SLC47A1: variants seen among roughly 807,000 people sequenced by gnomAD.
SLC47A1 encodes the protein multidrug and toxin extrusion protein 1.
In SLC47A1, 58 loss-of-function variants were observed where a neutral mutation model predicts 65.8. The ratio of observed to expected loss-of-function variants is 0.88; its 90% confidence interval spans 0.71 to 1.10. SLC47A1 has a LOEUF of 1.10. Among genes scored for constraint, SLC47A1 ranks in the 50% least tolerant of loss-of-function variants. SLC47A1 has a pLI of 0.00. For missense variants in SLC47A1, 706 were observed against 719.2 expected, an observed-to-expected ratio of 0.98 and a Z score of 0.21; for synonymous variants, 285 against 295.0, an observed-to-expected ratio of 0.97 and a Z score of 0.35.
rs942977839 is a variant in SLC47A1, at chr17:19,578,955, G to A, written c.*1402G>A. On this transcript the variant is annotated 3_prime_UTR_variant, in exon 17 of 17. Coordinates refer to ENST00000270570, the MANE Select transcript of SLC47A1 (RefSeq NM_018242.3). ...CCTCCAGCCTTCTCTGTGTTGTTCC[G>A]ACATACCGAGGACCAACTGGTCTAC... The A allele has an allele frequency of 6.6e-6, 1 of 152,144 alleles. No individual in the cohort carries two copies. Among genetic ancestry groups the A allele is most frequent in the African/African-American group, 2.4e-5 (1 of 41,432 alleles). The allele number at this position is 152,144 out of a possible 1,614,324, so 9.4% of individuals were successfully genotyped here.
chr17:19,541,007 G>C (rs1028029119), intron 1 of SLC47A1, among the ~76,000 whole-genome samples: 9 of 152,164 alleles, frequency 5.9e-5, no homozygotes, highest in Non-Finnish European at 8.8e-5. Context: ...TTATGGCTCG[G>C]GGGCCTGATG....
intron 1 of SLC47A1, among the ~76,000 whole-genome samples, chr17:19,541,852 C>T (rs1380583835): frequency 6.6e-6 from 1 of 152,304 alleles, no homozygotes; most frequent in African/African-American, 2.4e-5. Flanking sequence ...GCAGGCTGGG[C>T]GCAGTGGCTC....
chr17:19,573,988 T>C (rs1025760068), intron 16 of SLC47A1, among the ~76,000 whole-genome samples: 2 of 150,580 alleles, frequency 1.3e-5, no homozygotes, highest in East Asian at 3.9e-4. Flanking sequence ...AATGGTGCGA[T>C]CTCAGCTCAC....
intron 12 of SLC47A1, chr17:19,564,511 A>G (rs1478669528): frequency 6.6e-6 from 1 of 152,230 alleles, no homozygotes; most frequent in Non-Finnish European, 1.5e-5. Context: ...GGAACGTGCT[A>G]GGAATTGTTA....
chr17:19,538,469 T>C (rs1916054114), intron 1 of SLC47A1, among the ~76,000 whole-genome samples: 1 of 152,266 alleles, frequency 6.6e-6, no homozygotes, highest in Non-Finnish European at 1.5e-5. Flanking sequence ...CAGTTTCTAC[T>C]GAATGTACAT....
At chr17:19,572,919 TGTTA>T in intron 16 of SLC47A1, 58 bp downstream of exon 16, 1 of 1,448,654 alleles carries the variant, frequency 6.9e-7, no homozygotes, top group Non-Finnish European at 9.7e-7. Flanking sequence ...CTGGAGGGGC[TGTTA>T]GTGAGACACA....
At chr17:19,548,176 C>T (rs770113874) in intron 4 of SLC47A1, 43 bp downstream of exon 4, 8 of 1,588,244 alleles carry the variant, frequency 5.0e-6, no homozygotes, top group Non-Finnish European at 6.0e-6. Context: ...GTCCATCCCA[C>T]GGAAAGATTA....
At position 19,533,952 on chromosome 17, in the gene SLC47A1, G is replaced by A. The variant is rs912701678; in HGVS notation, c.13G>A (p.Glu5Lys). Residue 5 changes from glutamate (E) to lysine (K), a missense_variant, in exon 1 of 17, where the codon GAG becomes AAG. Coordinates refer to ENST00000270570, the MANE Select transcript of SLC47A1 (RefSeq NM_018242.3). ...GCGCGCGAGTCACATGGAAGCTCCT[G>A]AGGAGCCCGCGCCAGTGCGCGGAGG... Reference protein sequence around the residue: MEAPEEPAPVRGGPE... With the variant: MEAPKEPAPVRGGPE... 3 of 1,529,478 alleles carry A rather than the reference G, an allele frequency of 2.0e-6. No individual in the cohort carries two copies. The highest frequency in any genetic ancestry group is 2.0e-5 in the Admixed American group (1 of 49,628). The allele number at this position is 1,529,478 out of a possible 1,614,324, so 94.7% of individuals were successfully genotyped here. A position where few individuals can be genotyped will look rare whatever the true frequency, so the allele number is the denominator to read the frequency against.
In SLC47A1 at chr17:19,548,035, T is replaced by G. The variant is rs958241453; in HGVS notation, c.357T>G (p.Ser119Arg). Reference protein sequence around the residue: ...LKHVGVILQRSALVLLLCCFP... With the variant: ...LKHVGVILQRRALVLLLCCFP... ...ACGTGGGCGTGATCCTGCAGCGGAG[T>G]GCGCTCGTCCTGCTCCTCTGCTGCT... The change falls in exon 4 of 17, where the codon AGT becomes AGG. Residue 119 changes from serine (S) to arginine (R), a missense_variant. Physicochemically the swap from Ser to Arg is moderately radical, Grantham distance 110 (BLOSUM62 -1). Coordinates refer to ENST00000270570, the MANE Select transcript of SLC47A1 (RefSeq NM_018242.3). 1.2e-6 allele frequency: 2 copies of G among 1,613,910 alleles called. No homozygotes were observed. Among genetic ancestry groups the G allele is most frequent in the Admixed American group, 1.7e-5 (1 of 60,006 alleles).
Position 19,577,682 on chromosome 17 carries a change from G to A in SLC47A1, c.*129G>A, listed in dbSNP as rs138227262. On this transcript the variant is annotated 3_prime_UTR_variant, in exon 17 of 17. Transcript: ENST00000270570. ...CCCATGGATTTTGAGGGCTGGAAAT[G>A]CAAAGACACATTTTTCTATAAAAAG... 3.1e-3 allele frequency: 4,522 copies of A among 1,474,364 alleles called. 42 individuals are homozygous for A. The highest frequency in any genetic ancestry group is 0.027 in the African/African-American group (1,941 of 70,750). The allele number at this position is 1,474,364 out of a possible 1,614,324, so 91.3% of individuals were successfully genotyped here.
chr17:19,567,180 C>T lies in SLC47A1; in HGVS notation c.1261C>T (p.Leu421Phe), dbSNP rs145813260. 5.0e-6 allele frequency: 8 copies of T among 1,614,198 alleles called. No individual in the cohort carries two copies. The highest frequency in any genetic ancestry group is 5.9e-6 in the Non-Finnish European group (7 of 1,180,030). Residue 421 changes from leucine to phenylalanine, a missense_variant, in exon 14 of 17, where the codon CTC becomes TTC. Leu to Phe is a conservative substitution (Grantham distance 22). Transcript: ENST00000270570. ...VNTIGYYVVG[L>F]PIGIALMFAT... Reference sequence around the variant, plus strand: ...TACCATTGGGTACTATGTGGTTGGCCTCCCCATCGGGATCGCGCTGATGTT... The same window carrying T: ...TACCATTGGGTACTATGTGGTTGGCTTCCCCATCGGGATCGCGCTGATGTT...
At position 19,555,837 on chromosome 17, in the gene SLC47A1, C is replaced by G. The variant is rs375863644; in HGVS notation, c.781C>G (p.Arg261Gly). The change falls in exon 9 of 17, where the codon CGC becomes GGC. Residue 261 changes from arginine (R) to glycine (G), a missense_variant. Physicochemically the swap from Arg to Gly is moderately radical, Grantham distance 125. Transcript: ENST00000270570. Reference protein sequence around the residue: ...ECLQDWASFLRLAIPSMLMLC... With the variant: ...ECLQDWASFLGLAIPSMLMLC... ...CCTGCAGGACTGGGCCTCCTTCCTC[C>G]GCCTGGCCATCCCCAGCATGCTCAT... The G allele has an allele frequency of 5.6e-6, 9 of 1,613,748 alleles. No individual in the cohort carries two copies. The highest frequency in any genetic ancestry group is 5.3e-5 in the African/African-American group (4 of 75,040).
chr17:19,566,146 C>T (rs555845305), intron 12 of SLC47A1, among the ~76,000 whole-genome samples: 1 of 152,272 alleles, frequency 6.6e-6, no homozygotes, highest in South Asian at 2.1e-4. Context: ...ACTGTTGTTA[C>T]TCTCTTACTG....
intron 14 of SLC47A1, among the ~76,000 whole-genome samples, chr17:19,568,541 A>T (rs565742115): frequency 6.6e-6 from 1 of 152,354 alleles, no homozygotes; most frequent in South Asian, 2.1e-4. Context: ...TTAAACTTTA[A>T]ATTGACAAAT....
intron 1 of SLC47A1, chr17:19,534,851 AT>A (rs1382445023): frequency 2.0e-5 from 3 of 152,264 alleles, no homozygotes; most frequent in Non-Finnish European, 4.4e-5. Flanking sequence ...CAAAAACACA[AT>A]CCTATCCACG....
chr17:19,547,918 G>C (rs1916338457), intron 3 of SLC47A1, 67 bp from the exon 4 acceptor site: 22 of 1,480,190 alleles, frequency 1.5e-5, no homozygotes, highest in Admixed American at 4.0e-5. Flanking sequence ...ACAATTGAAG[G>C]CTTTTAGGGG....
intron 1 of SLC47A1, among the ~76,000 whole-genome samples, chr17:19,537,032 C>A (rs1454469710): frequency 6.6e-6 from 1 of 152,242 alleles, no homozygotes; most frequent in Non-Finnish European, 1.5e-5. Flanking sequence ...CGTGCAGATA[C>A]CTGGCCTCAG....
At chr17:19,564,525 G>A (rs2084341059) in intron 12 of SLC47A1, 1 of 152,200 alleles carries the variant, frequency 6.6e-6, no homozygotes, top group African/African-American at 2.4e-5. Flanking sequence ...ATTGTTACCT[G>A]GAGGAGGCAG....
At chr17:19,550,869 T>A (rs1567968249) in intron 5 of SLC47A1, among the ~76,000 whole-genome samples, 2 of 152,188 alleles carry the variant, frequency 1.3e-5, no homozygotes, top group Non-Finnish European at 2.9e-5. Flanking sequence ...TGTCTTCTTA[T>A]GAGGACACGA....
Sources: gnomAD v4.1 joint callset for allele counts (sites outside exome capture counted in the v4.1 genomes callset) on GRCh38, gnomAD v4.1.1 for gene constraint, MANE v1.5 for transcripts, NCBI Gene and HGNC (gene_info 2026-07-23, HGNC 2026-07-21) for gene names.